The following NPFFR2 variants were observed in gnomAD, a reference collection of about 807,000 sequenced individuals.
NPFFR2 encodes the protein G-protein coupled receptor 74.
In NPFFR2, 15 loss-of-function variants were observed where a neutral mutation model predicts 13.1. The observed-to-expected ratio is 1.15, with a 90% CI of 0.77 to 1.76. NPFFR2 has a LOEUF of 1.76. Ranked by LOEUF, NPFFR2 falls within the 40% of genes most tolerant of loss-of-function variation. The probability of loss-of-function intolerance (pLI) is 0.00; values close to 1 mark genes in which losing one functional copy is unlikely to be tolerated. For synonymous variants in NPFFR2, 190 were observed against 175.7 expected (o/e 1.08, Z -0.65); for missense variants, 572 against 503.5 (o/e 1.14, Z -1.30).
intron 1 of NPFFR2, among the ~76,000 whole-genome samples, chr4:72,080,373 C>T (rs1036293139): frequency 2.0e-5 from 3 of 152,036 alleles, no homozygotes; most frequent in African/African-American, 7.2e-5. Context: ...CCATGTTGGC[C>T]ATGCTGGTCT....
Position 72,147,941 on chromosome 4 carries a change from G to A in NPFFR2, c.*129G>A. 1.3e-5 allele frequency: 9 copies of A among 667,310 alleles called. No homozygotes were observed. The highest frequency in any genetic ancestry group is 2.1e-5 in the Non-Finnish European group (9 of 433,246). 41.3% of individuals were successfully genotyped at this position (667,310 alleles called of 1,614,324 possible). A position where few individuals can be genotyped will look rare whatever the true frequency, so the allele number is the denominator to read the frequency against. On this transcript the variant is annotated 3_prime_UTR_variant, in exon 4 of 4. Coordinates refer to ENST00000308744, the MANE Select transcript of NPFFR2 (RefSeq NM_004885.3). ...AAACATTTACTGAAAGCCCTCTCTG[G>A]CAAAAAAATTAAAAATAAACAAAAA...
intron 1 of NPFFR2, among the ~76,000 whole-genome samples, chr4:72,092,463 G>T (rs911913612): frequency 2.0e-5 from 3 of 151,964 alleles, no homozygotes; most frequent in African/African-American, 7.3e-5. Context: ...TTACTGTGTT[G>T]CTGTCTATCT....
chr4:72,131,867 C>T (rs1423336611), intron 2 of NPFFR2, among the ~76,000 whole-genome samples: 1 of 151,442 alleles, frequency 6.6e-6, no homozygotes, highest in East Asian at 1.9e-4. Flanking sequence ...TATGTGTGAA[C>T]ATATTTACTA....
At chr4:72,145,436 C>G (rs930753427) in intron 3 of NPFFR2, among the ~76,000 whole-genome samples, 1 of 151,570 alleles carries the variant, frequency 6.6e-6, no homozygotes, top group Admixed American at 6.6e-5. Flanking sequence ...AATTTATCTC[C>G]TATATAAATA....
chr4:72,127,005 T>C (rs2109832594), intron 1 of NPFFR2, among the ~76,000 whole-genome samples: 1 of 152,164 alleles, frequency 6.6e-6, no homozygotes, highest in East Asian at 1.9e-4. Context: ...GGAAGCTGTC[T>C]ACATTAAGAC....
At chr4:72,099,826 A>C (rs977032064) in intron 1 of NPFFR2, among the ~76,000 whole-genome samples, 8 of 152,156 alleles carry the variant, frequency 5.3e-5, no homozygotes, top group African/African-American at 1.9e-4. Flanking sequence ...ATAATTCTTT[A>C]TGCTACTATC....
At chr4:72,045,260 G>C (rs545940074) in intron 1 of NPFFR2, among the ~76,000 whole-genome samples, 85 of 152,256 alleles carry the variant, frequency 5.6e-4, no homozygotes, top group African/African-American at 2.0e-3. Context: ...TTGCAGGATT[G>C]AATGATATTC....
chr4:72,054,006 A>G (rs1719666623), intron 1 of NPFFR2, among the ~76,000 whole-genome samples: 1 of 151,918 alleles, frequency 6.6e-6, no homozygotes. Flanking sequence ...ATTTATGAGA[A>G]ACTCAATATT....
intron 1 of NPFFR2, among the ~76,000 whole-genome samples, chr4:72,041,298 C>T (rs1050196795): frequency 7.9e-5 from 12 of 152,142 alleles, no homozygotes; most frequent in Non-Finnish European, 1.8e-4. Context: ...GGCCTCCAGC[C>T]GTATCCATGT....
chr4:72,045,268 T>A (rs564152010), intron 1 of NPFFR2, among the ~76,000 whole-genome samples: 177 of 152,284 alleles, frequency 1.2e-3, no homozygotes, highest in African/African-American at 3.9e-3. Flanking sequence ...TTGAATGATA[T>A]TCTATTTATA....
chr4:72,142,416 C>T (rs1722659487), intron 3 of NPFFR2, among the ~76,000 whole-genome samples: 1 of 152,172 alleles, frequency 6.6e-6, no homozygotes, highest in Non-Finnish European at 1.5e-5. Context: ...CCTGCTTTGG[C>T]TCACCCTCCG....
chr4:72,089,338 C>A (rs1260708590), intron 1 of NPFFR2, among the ~76,000 whole-genome samples: 2 of 152,100 alleles, frequency 1.3e-5, no homozygotes, highest in Non-Finnish European at 2.9e-5. Context: ...TGGGAAGATA[C>A]CCAGTAGTGG....
chr4:72,119,261 A>G (rs953253364), intron 1 of NPFFR2, among the ~76,000 whole-genome samples: 6 of 152,198 alleles, frequency 3.9e-5, no homozygotes, highest in African/African-American at 9.7e-5. Flanking sequence ...GGATCTAAAT[A>G]TGTTGTACAT....
At chr4:72,050,924 C>A (rs1272022833) in intron 1 of NPFFR2, among the ~76,000 whole-genome samples, 2 of 151,888 alleles carry the variant, frequency 1.3e-5, no homozygotes, top group East Asian at 1.9e-4. Flanking sequence ...CATCCATGTC[C>A]CTACAAAGGA....
intron 1 of NPFFR2, among the ~76,000 whole-genome samples, chr4:72,124,247 T>G (rs1374600832): frequency 1.3e-5 from 2 of 152,018 alleles, no homozygotes; most frequent in African/African-American, 4.8e-5. Flanking sequence ...AAACCACTGC[T>G]CAAGGAACTA....
At chr4:72,136,790 C>G (rs554412895) in intron 2 of NPFFR2, among the ~76,000 whole-genome samples, 1 of 152,148 alleles carries the variant, frequency 6.6e-6, no homozygotes. Context: ...GAGAGTAAAC[C>G]TCCATTCTTC....
intron 1 of NPFFR2, among the ~76,000 whole-genome samples, chr4:72,048,596 A>AG (rs1180174723): frequency 1.3e-4 from 20 of 152,266 alleles, no homozygotes; most frequent in African/African-American, 4.3e-4. Flanking sequence ...AAACATCTAT[A>AG]TTAACTATTC....
chr4:72,069,638 T>G (rs28515833), intron 1 of NPFFR2, among the ~76,000 whole-genome samples: 1 of 152,098 alleles, frequency 6.6e-6, no homozygotes, highest in Admixed American at 6.6e-5. Context: ...ACAAAAGATA[T>G]AATAAAGTCA....
intron 1 of NPFFR2, among the ~76,000 whole-genome samples, chr4:72,066,937 C>T (rs1351128896): frequency 1.3e-5 from 2 of 152,170 alleles, no homozygotes; most frequent in Admixed American, 6.5e-5. Context: ...GGTGGCTCTG[C>T]TCCCATGGCT....
Sources: allele counts gnomAD v4.1 joint callset (sites outside exome capture counted in the v4.1 genomes callset), GRCh38; gene constraint gnomAD v4.1.1; transcripts MANE v1.5; gene names NCBI Gene and HGNC (gene_info 2026-07-23, HGNC 2026-07-21).